DCP1B: variants seen among roughly 807,000 people sequenced by gnomAD.
The protein encoded by DCP1B is decapping mRNA 1B.
Under a neutral mutation model 60.5 loss-of-function variants are expected in DCP1B, and 47 were observed. The observed-to-expected ratio is 0.78, with a 90% CI of 0.61 to 0.99. The LOEUF is 0.99. Ranked by LOEUF, DCP1B falls within the 50% of genes least tolerant of loss-of-function variation. DCP1B has a pLI of 0.00. For missense variants in DCP1B, 725 were observed against 756.8 expected, an observed-to-expected ratio of 0.96 and a Z score of 0.49; for synonymous variants, 267 against 280.3, an observed-to-expected ratio of 0.95 and a Z score of 0.47.
At chr12:1,978,872 TTTC>T (rs2035234414) in intron 3 of DCP1B, among the ~76,000 whole-genome samples, 1 of 152,268 alleles carries the variant, frequency 6.6e-6, no homozygotes, top group South Asian at 2.1e-4. Context: ...CAGTAGTTCA[TTTC>T]TTCTTATCGC....
intron 3 of DCP1B, among the ~76,000 whole-genome samples, chr12:1,976,189 TG>T (rs1249851361): frequency 6.6e-6 from 1 of 152,196 alleles, no homozygotes; most frequent in Non-Finnish European, 1.5e-5. Flanking sequence ...AAGGTCACAG[TG>T]ACAAGTTTCA....
At chr12:1,954,190 A>T (rs190790589) in intron 6 of DCP1B, among the ~76,000 whole-genome samples, 1 of 152,110 alleles carries the variant, frequency 6.6e-6, no homozygotes, top group African/African-American at 2.4e-5. Context: ...TCAAAAAAAA[A>T]AATAAAAGAG....
intron 4 of DCP1B, among the ~76,000 whole-genome samples, chr12:1,967,321 G>GCTGA (rs1369391215): frequency 1.3e-5 from 2 of 152,184 alleles, no homozygotes; most frequent in Non-Finnish European, 2.9e-5. Flanking sequence ...TAAGCTAATA[G>GCTGA]TAACTCAGCA....
At chr12:1,994,728 T>C (rs1485419312) in intron 2 of DCP1B, among the ~76,000 whole-genome samples, 2 of 152,226 alleles carry the variant, frequency 1.3e-5, no homozygotes, top group East Asian at 3.9e-4. Context: ...AATGAGAATT[T>C]GATTCTGCAT....
At chr12:1,980,727 T>C (rs1464453059) in intron 3 of DCP1B, among the ~76,000 whole-genome samples, 1 of 143,622 alleles carries the variant, frequency 7.0e-6, no homozygotes, top group Non-Finnish European at 1.5e-5. Flanking sequence ...TCTATAAAAA[T>C]GAAAAAAAGT....
At chr12:1,959,237 A>G (rs2906898) in intron 5 of DCP1B, among the ~76,000 whole-genome samples, 151,948 of 152,360 alleles carry the variant, frequency 1, 75,768 homozygotes, top group Middle Eastern at 1. Flanking sequence ...AGAGACACAC[A>G]GGATTACATC....
intron 7 of DCP1B, among the ~76,000 whole-genome samples, chr12:1,951,949 A>G (rs939438600): frequency 1.3e-5 from 2 of 152,224 alleles, no homozygotes; most frequent in African/African-American, 4.8e-5. Context: ...ACCTCCTAAT[A>G]TAACGAAGAT....
At chr12:1,958,337 G>A (rs1174784073) in intron 5 of DCP1B, among the ~76,000 whole-genome samples, 7 of 144,946 alleles carry the variant, frequency 4.8e-5, no homozygotes, top group Admixed American at 4.8e-4. Context: ...GTCGCTCTGG[G>A]CAATGGCTTC....
intron 8 of DCP1B, among the ~76,000 whole-genome samples, chr12:1,946,839 A>C (rs938828081): frequency 2.6e-5 from 4 of 152,158 alleles, no homozygotes; most frequent in African/African-American, 9.7e-5. Context: ...AGCTAGGGCT[A>C]CAGGTGCGTG....
intron 1 of DCP1B, 129 bp downstream of exon 1, chr12:2,004,153 T>G (rs1423208186): frequency 7.4e-7 from 1 of 1,349,916 alleles, no homozygotes; most frequent in Non-Finnish European, 1.0e-6. Context: ...TCGGCCTCAG[T>G]CCCCAGATCC....
intron 1 of DCP1B, among the ~76,000 whole-genome samples, chr12:1,998,906 T>C (rs1291408780): frequency 1.3e-5 from 2 of 152,200 alleles, no homozygotes; most frequent in African/African-American, 4.8e-5. Flanking sequence ...CATTCAAAAT[T>C]TAAGTACTCT....
intron 1 of DCP1B, chr12:2,004,059 G>T: frequency 1.6e-6 from 1 of 636,306 alleles, no homozygotes; most frequent in South Asian, 1.9e-5. Context: ...GTACGTTAGA[G>T]ATTTAAGTCT....
rs1041962406 is a variant in DCP1B, at chr12:1,952,953, T to G, written c.987A>C (p.Thr329=). The change falls in exon 7 of 9, where the codon ACA becomes ACC. Residue 329 remains threonine, a synonymous_variant. Transcript: ENST00000280665. ...GSTHSAGEFF[T]GPVQPGSPHN... is the part of the protein sequence containing the mutation. ...GAGGAGACCCTGGCTGGACAGGTCCTGTAAAAAATTCTCCCGCAGAATGGG... is the reference window on the plus strand; with the variant it reads ...GAGGAGACCCTGGCTGGACAGGTCCGGTAAAAAATTCTCCCGCAGAATGGG... 5.6e-6 allele frequency: 9 copies of G among 1,614,020 alleles called. No individual in the cohort carries two copies. In the Admixed American group the frequency reaches 1.5e-4, roughly 27 times the overall value.
chr12:1,958,593 C>T (rs1172927449), intron 5 of DCP1B, among the ~76,000 whole-genome samples: 1 of 150,646 alleles, frequency 6.6e-6, no homozygotes. Context: ...TAACGTCGCT[C>T]TGGGCAATGA....
Position 1,955,826 on chromosome 12 carries a change from T to C in DCP1B, c.523-266A>G, listed in dbSNP as rs542382446. 4.6e-5 allele frequency among the ~76,000 whole-genome samples: 7 copies of C among 152,248 alleles called. No homozygotes were observed. In the South Asian group the frequency reaches 6.2e-4, roughly 14 times the overall value. On this transcript the variant is annotated intron_variant, in intron 5 of 8. Coordinates refer to ENST00000280665, the MANE Select transcript of DCP1B (RefSeq NM_152640.5). ...CAGGACCAGGGGTTCTTAAGACACCTGTATAATTGAAAGGTTCTGTGCTTA... is the reference window on the plus strand; with the variant it reads ...CAGGACCAGGGGTTCTTAAGACACCCGTATAATTGAAAGGTTCTGTGCTTA...
At chr12:1,954,858 T>C (rs2030821593) in intron 6 of DCP1B, among the ~76,000 whole-genome samples, 1 of 152,228 alleles carries the variant, frequency 6.6e-6, no homozygotes, top group Non-Finnish European at 1.5e-5. Context: ...TCTAGGGTGC[T>C]TGTTTGTTTG....
At chr12:1,947,760 T>C (rs1241279981) in intron 8 of DCP1B, among the ~76,000 whole-genome samples, 1 of 152,260 alleles carries the variant, frequency 6.6e-6, no homozygotes, top group Non-Finnish European at 1.5e-5. Context: ...AATCATTTGC[T>C]GTTGACCTTA....
At chr12:2,000,220 T>C (rs1411406949) in intron 1 of DCP1B, among the ~76,000 whole-genome samples, 1 of 152,200 alleles carries the variant, frequency 6.6e-6, no homozygotes, top group Non-Finnish European at 1.5e-5. Flanking sequence ...TTTGGTATTA[T>C]CCATTACATT....
At chr12:1,957,162 T>G (rs753778406) in intron 5 of DCP1B, among the ~76,000 whole-genome samples, 4 of 152,214 alleles carry the variant, frequency 2.6e-5, no homozygotes, top group Non-Finnish European at 4.4e-5. Context: ...TTTCCCGACC[T>G]AAATATCTTT....
Sources: gnomAD v4.1 joint callset for allele counts (sites outside exome capture counted in the v4.1 genomes callset) on GRCh38, gnomAD v4.1.1 for gene constraint, MANE v1.5 for transcripts, NCBI Gene and HGNC (gene_info 2026-07-23, HGNC 2026-07-21) for gene names.